GAP43: variants seen among roughly 807,000 people sequenced by gnomAD.
The protein encoded by GAP43 is neuromodulin.
A neutral mutation model predicts 18.6 loss-of-function variants in GAP43; 6 were observed. The observed-to-expected ratio is 0.32, with a 90% CI of 0.18 to 0.64. GAP43 has a LOEUF of 0.64. GAP43 is among the 30% of genes least tolerant of loss of function. The pLI is 0.78. For missense variants in GAP43, 292 were observed against 295.5 expected (o/e 0.99, Z 0.09); for synonymous variants, 115 against 111.4 (o/e 1.03, Z -0.20).
At chr3:115,651,492 T>A (rs1464986452) in intron 1 of GAP43, among the ~76,000 whole-genome samples, 2 of 152,212 alleles carry the variant, frequency 1.3e-5, no homozygotes, top group Non-Finnish European at 2.9e-5. Context: ...TGAACCCTCA[T>A]TTGATGCCTA....
At chr3:115,641,510 T>TCACACACACACACACACACACACACA (rs376412583) in intron 1 of GAP43, among the ~76,000 whole-genome samples, 6 of 106,958 alleles carry the variant, frequency 5.6e-5, no homozygotes, top group African/African-American at 2.2e-4. Flanking sequence ...ATATATATAT[T>TCACACACACACACACACACACACACA]CACACACACA....
chr3:115,638,219 CT>C (rs1171502922), intron 1 of GAP43, among the ~76,000 whole-genome samples: 9 of 152,118 alleles, frequency 5.9e-5, no homozygotes, highest in Admixed American at 4.6e-4. Flanking sequence ...ATTTAAAAAT[CT>C]TTGATAGCAT....
intron 1 of GAP43, among the ~76,000 whole-genome samples, chr3:115,661,528 G>A (rs757222504): frequency 1.3e-5 from 2 of 152,050 alleles, no homozygotes; most frequent in Admixed American, 6.6e-5. Context: ...TCGCTCTGTC[G>A]CCCAGGCTGG....
At position 115,644,431 on chromosome 3, in the gene GAP43, A is replaced by G. The variant is rs1281072303; in HGVS notation, c.30+20712A>G. Among the ~76,000 whole-genome samples the G allele has an allele frequency of 1.3e-5, 2 of 152,016 alleles. No homozygotes were observed. Among genetic ancestry groups the G allele is most frequent in the African/African-American group, 4.8e-5 (2 of 41,422 alleles). On this transcript the variant is annotated intron_variant, in intron 1 of 2. Transcript: ENST00000305124. This position sits in a 1 kb window ranked among gnomAD's most constrained non-coding sequence, Gnocchi z 4.2. ...GATAACAAACCTGTAGCAATAAGTC[A>G]GTCACCGTGAAGCATTCTAAGCACT...
chr3:115,624,079 C>T (rs952921294), intron 1 of GAP43, among the ~76,000 whole-genome samples: 4 of 127,540 alleles, frequency 3.1e-5, no homozygotes, highest in African/African-American at 9.3e-5. Flanking sequence ...GATGGGGAGG[C>T]ATTTCTTTAT....
intron 1 of GAP43, among the ~76,000 whole-genome samples, chr3:115,647,378 C>A (rs1708469035): frequency 6.6e-6 from 1 of 151,888 alleles, no homozygotes; most frequent in African/African-American, 2.4e-5. Context: ...GCAGTGGGAA[C>A]TAAAACAGAG....
chr3:115,683,139 GCGCGCGCGCACACACACACA>G (rs1283909346), intron 2 of GAP43, among the ~76,000 whole-genome samples: 3 of 126,146 alleles, frequency 2.4e-5, no homozygotes, highest in African/African-American at 6.2e-5. Context: ...GCGCGTGCGC[GCGCGCGCGCACACACACACA>G]CACACACACA....
At chr3:115,652,020 C>A (rs1032751629) in intron 1 of GAP43, among the ~76,000 whole-genome samples, 3 of 152,084 alleles carry the variant, frequency 2.0e-5, no homozygotes. Flanking sequence ...TTTCTTCCAC[C>A]TTCATAGCTT....
chr3:115,698,132 AT>A (rs1709233621), intron 2 of GAP43, among the ~76,000 whole-genome samples: 2 of 17,046 alleles, frequency 1.2e-4, no homozygotes, highest in African/African-American at 2.4e-4. Flanking sequence ...ATTATATATA[AT>A]ATATATAATA....
At chr3:115,629,081 C>T (rs1432858233) in intron 1 of GAP43, among the ~76,000 whole-genome samples, 1 of 152,176 alleles carries the variant, frequency 6.6e-6, no homozygotes, top group Non-Finnish European at 1.5e-5. Flanking sequence ...TTTATTTCAA[C>T]TCCCATATCC....
intron 2 of GAP43, among the ~76,000 whole-genome samples, chr3:115,702,631 C>CT (rs1709310068): frequency 1.3e-5 from 2 of 152,042 alleles, no homozygotes; most frequent in Non-Finnish European, 2.9e-5. Flanking sequence ...TTCCATTAGA[C>CT]TTTTATAGGA....
chr3:115,719,404 G>A (rs1709550166), intron 2 of GAP43, among the ~76,000 whole-genome samples: 1 of 152,278 alleles, frequency 6.6e-6, no homozygotes, highest in Non-Finnish European at 1.5e-5. Flanking sequence ...TGATAAGAGT[G>A]GTTCCAGGTG....
intron 2 of GAP43, among the ~76,000 whole-genome samples, chr3:115,699,391 C>A (rs144612373): frequency 6.6e-6 from 1 of 152,188 alleles, no homozygotes; most frequent in Non-Finnish European, 1.5e-5. Context: ...TACGCACCCA[C>A]CCAGATCTCC....
chr3:115,666,324 A>G (rs967426976), intron 1 of GAP43, among the ~76,000 whole-genome samples: 12 of 152,186 alleles, frequency 7.9e-5, no homozygotes. Flanking sequence ...GAGAATAGAT[A>G]TAGCTCAGTA....
At chr3:115,688,580 C>G (rs1709064324) in intron 2 of GAP43, among the ~76,000 whole-genome samples, 1 of 152,150 alleles carries the variant, frequency 6.6e-6, no homozygotes, top group Admixed American at 6.5e-5. Flanking sequence ...CTCCTTAGCC[C>G]TAGTGGACGA....
chr3:115,693,563 A>G (rs755552314), intron 2 of GAP43, among the ~76,000 whole-genome samples: 16 of 152,216 alleles, frequency 1.1e-4, no homozygotes, highest in Non-Finnish European at 1.9e-4. Flanking sequence ...TCTTGGCTCA[A>G]ATAAACAGCA....
chr3:115,717,896 G>A (rs1374785357), intron 2 of GAP43, among the ~76,000 whole-genome samples: 3 of 152,168 alleles, frequency 2.0e-5, no homozygotes, highest in African/African-American at 7.2e-5. Context: ...CCAGGCAATG[G>A]ATGACAAGAG....
chr3:115,643,272 C>T (rs917177812), intron 1 of GAP43, among the ~76,000 whole-genome samples: 2 of 152,044 alleles, frequency 1.3e-5, no homozygotes, highest in Non-Finnish European at 2.9e-5. Flanking sequence ...GTGGTATCCA[C>T]GGTCTGTGGC....
Position 115,637,928 on chromosome 3 carries a change from TA to T in GAP43, c.30+14215del, listed in dbSNP as rs1041119281. On this transcript the variant is annotated intron_variant, in intron 1 of 2. Transcript: ENST00000305124. ...TTTCTATAAGTAAAAACCAAATAAA[TA>T]AAAAACCTTTTCATTCCTTCCTTTC... 5.9e-5 allele frequency among the ~76,000 whole-genome samples: 9 copies of T among 152,162 alleles called. No individual in the cohort carries two copies. In the East Asian group the frequency reaches 1.4e-3, roughly 23 times the overall value.
Sources: gnomAD v4.1 joint callset for allele counts (sites outside exome capture counted in the v4.1 genomes callset) on GRCh38, gnomAD v4.1.1 for gene constraint, Gnocchi (gnomAD v3.1) non-coding constraint, MANE v1.5 for transcripts, NCBI Gene and HGNC (gene_info 2026-07-23, HGNC 2026-07-21) for gene names.